MAP3K20: variants seen among roughly 807,000 people sequenced by gnomAD.
The protein encoded by MAP3K20 is mitogen-activated protein kinase kinase kinase 20.
In MAP3K20, 40 loss-of-function variants were observed where a neutral mutation model predicts 85.7. The ratio of observed to expected loss-of-function variants is 0.47; its 90% CI spans 0.36 to 0.61. The LOEUF is 0.61. Ranked by LOEUF, MAP3K20 falls within the 20% of genes least tolerant of loss-of-function variation. The probability of loss-of-function intolerance (pLI) is 0.00; values close to 1 mark genes in which losing one functional copy is unlikely to be tolerated. For synonymous variants in MAP3K20, 325 were observed against 327.7 expected (o/e 0.99, Z 0.09); for missense variants, 817 against 961.7 (o/e 0.85, Z 1.99).
At chr2:173,195,362 CTAT>C (rs1690796240) in intron 7 of MAP3K20, among the ~76,000 whole-genome samples, 1 of 152,098 alleles carries the variant, frequency 6.6e-6, no homozygotes, top group African/African-American at 2.4e-5. Context: ...TAATGGCTTT[CTAT>C]TGTTTGGAAA....
intron 2 of MAP3K20, among the ~76,000 whole-genome samples, chr2:173,163,602 T>G (rs919866588): frequency 1.3e-5 from 2 of 152,258 alleles, no homozygotes; most frequent in Non-Finnish European, 2.9e-5. Context: ...TTTTTATGGC[T>G]GCATAGTATT....
intron 4 of MAP3K20, among the ~76,000 whole-genome samples, chr2:173,185,773 T>C (rs1169835637): frequency 6.6e-6 from 1 of 152,208 alleles, no homozygotes; most frequent in Non-Finnish European, 1.5e-5. Context: ...AGCAAGTATA[T>C]CTGAAATTGC....
chr2:173,106,775 G>A (rs1421399954), intron 2 of MAP3K20, among the ~76,000 whole-genome samples: 1 of 152,166 alleles, frequency 6.6e-6, no homozygotes, highest in East Asian at 1.9e-4. Flanking sequence ...TATAGGAACA[G>A]GTAATGATAG....
rs372979656 is a variant in MAP3K20 at position 173,097,246 on chromosome 2, C to T, written c.159+6056C>T. ...TGGCGGGCGCCTGTAGTTCCAGCTACTCGGGAGGCTGAGGCAGGAGAATTG... is the reference window on the plus strand; with the variant it reads ...TGGCGGGCGCCTGTAGTTCCAGCTATTCGGGAGGCTGAGGCAGGAGAATTG... On this transcript the variant is annotated intron_variant, in intron 2 of 19. Transcript: ENST00000375213. Among the ~76,000 whole-genome samples, 82 of 152,252 alleles carry T rather than the reference C, an allele frequency of 5.4e-4. 1 individual carries two copies. The South Asian group carries it at 9.5e-3, about 18-fold the overall frequency.
chr2:173,076,652 T>G (rs954484074), intron 1 of MAP3K20, among the ~76,000 whole-genome samples: 1 of 152,258 alleles, frequency 6.6e-6, no homozygotes, highest in African/African-American at 2.4e-5. Context: ...AAAACATGCG[T>G]AAATGTATCC....
At chr2:173,263,558 A>C (rs151027384) in intron 18 of MAP3K20, among the ~76,000 whole-genome samples, 187 bp from the exon 19 acceptor site, 2 of 152,348 alleles carry the variant, frequency 1.3e-5, no homozygotes, top group East Asian at 3.9e-4. Flanking sequence ...CTTTTCATTG[A>C]ATTAGCATAT....
At chr2:173,262,096 G>A (rs1222171712) in intron 18 of MAP3K20, among the ~76,000 whole-genome samples, 1 of 152,076 alleles carries the variant, frequency 6.6e-6, no homozygotes, top group African/African-American at 2.4e-5. Flanking sequence ...GAGATGAAAG[G>A]AAGTCTTGAG....
rs192407738 is a variant in MAP3K20 at position 173,143,772 on chromosome 2, T to A, written c.160-26033T>A. 5.1e-3 allele frequency among the ~76,000 whole-genome samples: 777 copies of A among 152,264 alleles called. 4 individuals carry two copies. Among genetic ancestry groups the A allele is most frequent in the African/African-American group, 0.018 (738 of 41,532 alleles). On this transcript the variant is annotated intron_variant, in intron 2 of 19. Coordinates refer to ENST00000375213, the MANE Select transcript of MAP3K20 (RefSeq NM_016653.3). ...ATTAAATGATTGTTTACATAAAAAA[T>A]TTTTTAAAAATCTACAAAACAAATA...
In MAP3K20 at chr2:173,263,002, A is replaced by G. The variant is rs1311905328; in HGVS notation, c.1552-743A>G. On this transcript the variant is annotated intron_variant, in intron 18 of 19. Transcript: ENST00000375213. ...CCCTCCTCCTCCTTTTTCAGACCCC[A>G]TGATGATATGCCACTTTTGTCTGGG... Among the ~76,000 whole-genome samples, 4 of 152,262 alleles carry G rather than the reference A, an allele frequency of 2.6e-5. No homozygotes were observed. In the East Asian group the frequency reaches 7.7e-4, roughly 29 times the overall value.
At chr2:173,262,783 C>G (rs1366907424) in intron 18 of MAP3K20, among the ~76,000 whole-genome samples, 6 of 152,118 alleles carry the variant, frequency 3.9e-5, no homozygotes, top group Admixed American at 2.6e-4. Flanking sequence ...AGGTGCAAAA[C>G]CCAAACAAAA....
chr2:173,133,838 A>G (rs1688688035), intron 2 of MAP3K20, among the ~76,000 whole-genome samples: 1 of 151,886 alleles, frequency 6.6e-6, no homozygotes, highest in Admixed American at 6.6e-5. Context: ...AAAAATCCAA[A>G]AAATTAGCCG....
chr2:173,112,328 A>G (rs1373166217), intron 2 of MAP3K20, among the ~76,000 whole-genome samples: 2 of 152,184 alleles, frequency 1.3e-5, no homozygotes, highest in African/African-American at 4.8e-5. Flanking sequence ...AGGGTTTTCA[A>G]GGTAAACAAT....
intron 1 of MAP3K20, among the ~76,000 whole-genome samples, chr2:173,084,282 A>G (rs1190074108): frequency 6.6e-6 from 1 of 152,148 alleles, no homozygotes; most frequent in Non-Finnish European, 1.5e-5. Flanking sequence ...TTCTTGGGTT[A>G]GACGTGCAAT....
intron 2 of MAP3K20, among the ~76,000 whole-genome samples, chr2:173,118,736 T>G (rs1389957591): frequency 6.6e-6 from 1 of 152,236 alleles, no homozygotes; most frequent in African/African-American, 2.4e-5. Flanking sequence ...ATAATCATGA[T>G]AGGTAACCAT....
At chr2:173,173,932 A>G (rs1284165999) in intron 3 of MAP3K20, among the ~76,000 whole-genome samples, 1 of 152,002 alleles carries the variant, frequency 6.6e-6, no homozygotes, top group Non-Finnish European at 1.5e-5. Flanking sequence ...TAATGACTTC[A>G]AAAAAAATGA....
intron 16 of MAP3K20, among the ~76,000 whole-genome samples, chr2:173,251,920 C>T (rs1685048896): frequency 6.6e-6 from 1 of 152,014 alleles, no homozygotes; most frequent in African/African-American, 2.4e-5. Context: ...TGATCTTGGT[C>T]TTGATTGTTT....
intron 2 of MAP3K20, among the ~76,000 whole-genome samples, chr2:173,097,447 T>A (rs1687495780): frequency 6.6e-6 from 1 of 152,214 alleles, no homozygotes; most frequent in African/African-American, 2.4e-5. Context: ...GAACAAGATA[T>A]GTCTGTACAT....
At position 173,224,694 on chromosome 2, in the gene MAP3K20, A is replaced by G. The variant is rs78546936; in HGVS notation, c.988-4995A>G. ...ATTACCACGTGACGTTGGCTCTATT[A>G]CTTTCTGTTCCCAATGTCCTTCTAG... is the stretch of plus-strand genomic sequence containing the variant. On this transcript the variant is annotated intron_variant, in intron 11 of 19. Coordinates refer to ENST00000375213, the MANE Select transcript of MAP3K20 (RefSeq NM_016653.3). 8,833 of 985,428 alleles carry G rather than the reference A, an allele frequency of 9.0e-3. 54 individuals carry two copies. The highest frequency in any genetic ancestry group is 0.012 in the Middle Eastern group (23 of 1,914). The allele number at this position is 985,428 out of a possible 1,614,324, so 61.0% of individuals were successfully genotyped here. A position where few individuals can be genotyped will look rare whatever the true frequency, so the allele number is the denominator to read the frequency against.
rs77128115 is a variant in MAP3K20, at chr2:173,243,081, C to A, written c.1359+3585C>A. 2.5e-3 allele frequency among the ~76,000 whole-genome samples: 382 copies of A among 152,240 alleles called. 3 individuals are homozygous for A. The highest frequency in any genetic ancestry group is 8.7e-3 in the African/African-American group (363 of 41,534). On this transcript the variant is annotated intron_variant, in intron 16 of 19. Transcript: ENST00000375213. ...TTTGTGCCTGGCTCTAAGGTAGATGCTAGATTTTGATACAAAATCAAAAAG... is the reference window on the plus strand; with the variant it reads ...TTTGTGCCTGGCTCTAAGGTAGATGATAGATTTTGATACAAAATCAAAAAG...
Sources: allele counts gnomAD v4.1 joint callset (sites outside exome capture counted in the v4.1 genomes callset), GRCh38; gene constraint gnomAD v4.1.1; transcripts MANE v1.5; gene names NCBI Gene and HGNC (gene_info 2026-07-23, HGNC 2026-07-21).